RBM19: variants seen among roughly 807,000 people sequenced by gnomAD.
The protein encoded by RBM19 is RNA binding motif protein 19.
Under a neutral mutation model 116.8 loss-of-function variants are expected in RBM19, and 94 were observed. The ratio of observed to expected loss-of-function variants is 0.80; its 90% CI spans 0.68 to 0.95. The LOEUF is 0.95. RBM19 is among the 40% of genes least tolerant of loss of function. The probability of loss-of-function intolerance (pLI) is 0.00; values close to 1 mark genes in which losing one functional copy is unlikely to be tolerated. For missense variants in RBM19, 1,161 were observed against 1,220.7 expected (o/e 0.95, Z 0.73); for synonymous variants, 475 against 494.1 (o/e 0.96, Z 0.51).
intron 21 of RBM19, among the ~76,000 whole-genome samples, chr12:113,887,634 C>CAAAAAAA (rs35665613): frequency 2.8e-5 from 2 of 71,138 alleles, no homozygotes; most frequent in African/African-American, 1.2e-4. Context: ...GACTCCATCT[C>CAAAAAAA]AAAAAAAAAA....
In RBM19 at chr12:113,957,918, T is replaced by C. The variant is rs142949794; in HGVS notation, c.704A>G (p.His235Arg). The C allele has an allele frequency of 5.0e-6, 8 of 1,614,034 alleles. No individual in the cohort carries two copies. Among genetic ancestry groups the C allele is most frequent in the Non-Finnish European group, 5.9e-6 (7 of 1,180,034 alleles). Residue 235 changes from histidine (H) to arginine (R), a missense_variant, in exon 6 of 24, where the codon CAC becomes CGC. Transcript: ENST00000261741. ...CTCGGCCTCACTCCCTTCATCACAG[T>C]GCACGGCTTCATCTTCACTTTCCTC... The part of the protein sequence containing the change: ...EEEESEDEAV[H>R]CDEGSEAEEE...
downstream of RBM19, among the ~76,000 whole-genome samples, chr12:113,818,768 T>C (rs1874227888): frequency 6.6e-6 from 1 of 152,172 alleles, no homozygotes; most frequent in Non-Finnish European, 1.5e-5. Flanking sequence ...AGTCAGGGCC[T>C]GTGCATTCCG....
intron 15 of RBM19, chr12:113,937,405 G>A (rs978660092): frequency 9.5e-6 from 3 of 316,006 alleles, no homozygotes; most frequent in Admixed American, 4.8e-5. Flanking sequence ...CCCCCTTTGT[G>A]TTTTTTCCAA....
chr12:113,911,509 C>A (rs139834894), intron 21 of RBM19, among the ~76,000 whole-genome samples: 1 of 152,052 alleles, frequency 6.6e-6, no homozygotes, highest in Non-Finnish European at 1.5e-5. Flanking sequence ...GGGTTCAAAT[C>A]CTGGCTCCAC....
intron 21 of RBM19, among the ~76,000 whole-genome samples, chr12:113,883,830 C>A (rs1243105776): frequency 6.6e-6 from 1 of 152,158 alleles, no homozygotes; most frequent in Non-Finnish European, 1.5e-5. Context: ...CCTGAGAAGA[C>A]AGCTATAAAC....
intron 21 of RBM19, among the ~76,000 whole-genome samples, chr12:113,878,292 ACTCC>A (rs1879814333): frequency 6.6e-6 from 1 of 151,682 alleles, no homozygotes; most frequent in Admixed American, 6.6e-5. Flanking sequence ...TGACCTCCTC[ACTCC>A]CTATTTGTTT....
At chr12:113,828,705 C>T (rs949654964) in intron 23 of RBM19, among the ~76,000 whole-genome samples, 1 of 152,126 alleles carries the variant, frequency 6.6e-6, no homozygotes, top group African/African-American at 2.4e-5. Context: ...GGCTGGGCAC[C>T]CGGGGGCTGG....
At chr12:113,873,073 G>T (rs1404292648) in intron 21 of RBM19, among the ~76,000 whole-genome samples, 3,877 of 99,008 alleles carry the variant, frequency 0.039, 1 homozygote, top group Middle Eastern at 0.07. Flanking sequence ...TCAGCCCCCC[G>T]CCCGGCCAGC....
At chr12:113,838,040 A>C (rs904798532) in intron 23 of RBM19, among the ~76,000 whole-genome samples, 3 of 152,250 alleles carry the variant, frequency 2.0e-5, no homozygotes, top group African/African-American at 7.2e-5. Context: ...CTATATATAC[A>C]TTTAAGACAG....
At chr12:113,909,807 C>A (rs1882315391) in intron 21 of RBM19, among the ~76,000 whole-genome samples, 1 of 152,172 alleles carries the variant, frequency 6.6e-6, no homozygotes, top group South Asian at 2.1e-4. Context: ...CGTGGCAGAC[C>A]ACCAGAAGGA....
rs775645227 is a variant in RBM19 at position 113,924,805 on chromosome 12, C to T, written c.2245-48G>A. On this transcript the variant is annotated intron_variant, in intron 17 of 23. Coordinates refer to ENST00000261741, the MANE Select transcript of RBM19 (RefSeq NM_016196.4). Reference sequence around the variant, plus strand: ...TCATCAGCAGCTCTAAACCACTATGCAGGCAAGGGCACCTGTCAAACACTA... The same window carrying T: ...TCATCAGCAGCTCTAAACCACTATGTAGGCAAGGGCACCTGTCAAACACTA... 10 of 1,474,006 alleles carry T rather than the reference C, an allele frequency of 6.8e-6. No homozygotes were observed. In the African/African-American group the frequency reaches 8.3e-5, roughly 12 times the overall value. The allele number at this position is 1,474,006 out of a possible 1,614,324, so 91.3% of individuals were successfully genotyped here.
chr12:113,964,583 A>T (rs2135949187), intron 1 of RBM19, among the ~76,000 whole-genome samples: 1 of 152,348 alleles, frequency 6.6e-6, no homozygotes, highest in Middle Eastern at 3.4e-3. Context: ...TGATGGATGG[A>T]TGAGTAATAG....
chr12:113,917,790 C>A (rs949711244), intron 20 of RBM19, among the ~76,000 whole-genome samples: 3 of 152,174 alleles, frequency 2.0e-5, no homozygotes, highest in African/African-American at 7.2e-5. Flanking sequence ...CTGTTGGAGG[C>A]ACGTCGGGTG....
At chr12:113,951,658 G>A (rs893435690) in intron 8 of RBM19, among the ~76,000 whole-genome samples, 1 of 152,194 alleles carries the variant, frequency 6.6e-6, no homozygotes, top group Admixed American at 6.5e-5. Flanking sequence ...ATCCTGCCCT[G>A]TAATCAGTCT....
chr12:113,960,582 G>A (rs1872407805), intron 2 of RBM19, among the ~76,000 whole-genome samples: 1 of 152,186 alleles, frequency 6.6e-6, no homozygotes, highest in Non-Finnish European at 1.5e-5. Context: ...GTGACAGAGT[G>A]AAGACTGGAA....
intron 21 of RBM19, among the ~76,000 whole-genome samples, chr12:113,874,595 G>C (rs898697081): frequency 6.6e-6 from 1 of 152,224 alleles, no homozygotes; most frequent in Non-Finnish European, 1.5e-5. Context: ...CCTGGGGACA[G>C]TAACCAGCTT....
chr12:113,930,257 G>A (rs1404729555), intron 16 of RBM19, among the ~76,000 whole-genome samples: 1 of 152,194 alleles, frequency 6.6e-6, no homozygotes, highest in African/African-American at 2.4e-5. Context: ...GCCAGTGCCC[G>A]GCGTGGCATT....
chr12:113,826,515 C>T (rs138984902), intron 23 of RBM19, among the ~76,000 whole-genome samples: 1 of 152,312 alleles, frequency 6.6e-6, no homozygotes, highest in African/African-American at 2.4e-5. Flanking sequence ...AGCCTTCATC[C>T]ATGCTCTCAT....
chr12:113,819,220 A>T (rs533416193), downstream of RBM19, among the ~76,000 whole-genome samples: 14 of 152,248 alleles, frequency 9.2e-5, no homozygotes, highest in South Asian at 1.2e-3. Flanking sequence ...CAGCTAACTG[A>T]GCCACACTCT....
Sources: allele counts gnomAD v4.1 joint callset (sites outside exome capture counted in the v4.1 genomes callset), GRCh38; gene constraint gnomAD v4.1.1; transcripts MANE v1.5; gene names NCBI Gene and HGNC (gene_info 2026-07-23, HGNC 2026-07-21).